The following CAMK2D variants were observed in gnomAD, a reference collection of about 807,000 sequenced individuals.
CAMK2D encodes calcium/calmodulin dependent protein kinase II delta, also known as calcium/calmodulin-dependent protein kinase type II subunit delta.
CAMK2D carries 37 observed loss-of-function variants against 84.0 expected under a neutral mutation model. The observed-to-expected ratio is 0.44, with a 90% CI of 0.34 to 0.58. The LOEUF is 0.58. CAMK2D is among the 20% of genes least tolerant of loss of function. The probability of loss-of-function intolerance (pLI) is 0.02; values close to 1 mark genes in which losing one functional copy is unlikely to be tolerated. For synonymous variants in CAMK2D, 202 were observed against 212.5 expected (o/e 0.95, Z 0.43); for missense variants, 448 against 652.5 (o/e 0.69, Z 3.41).
At chr4:113,459,890 A>G (rs2097352205) in intron 18 of CAMK2D, among the ~76,000 whole-genome samples, 1 of 151,900 alleles carries the variant, frequency 6.6e-6, no homozygotes, top group South Asian at 2.1e-4. Flanking sequence ...CCCCCAAAGC[A>G]CTGGGATTAC....
At chr4:113,752,057 G>C (rs2099618564) in intron 2 of CAMK2D, among the ~76,000 whole-genome samples, 2 of 151,582 alleles carry the variant, frequency 1.3e-5, no homozygotes, top group Non-Finnish European at 2.9e-5. Context: ...AGGGTATGAA[G>C]AAATAAAAAG....
intron 2 of CAMK2D, among the ~76,000 whole-genome samples, chr4:113,669,947 G>A (rs1236507458): frequency 6.6e-6 from 1 of 152,148 alleles, no homozygotes; most frequent in East Asian, 1.9e-4. Context: ...ATCAGACAGA[G>A]TTCACACAGA....
chr4:113,670,693 A>C (rs2099277468), intron 2 of CAMK2D, among the ~76,000 whole-genome samples: 1 of 151,984 alleles, frequency 6.6e-6, no homozygotes, highest in Admixed American at 6.6e-5. Flanking sequence ...AGCTTTGGCT[A>C]TCTAGAGATT....
chr4:113,502,556 T>C (rs2098067389), intron 15 of CAMK2D, among the ~76,000 whole-genome samples: 2 of 151,562 alleles, frequency 1.3e-5, no homozygotes, highest in African/African-American at 4.8e-5. Flanking sequence ...GTTGATATTT[T>C]TGAAGACAAT....
chr4:113,717,150 A>G (rs138331536), intron 2 of CAMK2D, among the ~76,000 whole-genome samples: 1 of 152,324 alleles, frequency 6.6e-6, no homozygotes, highest in African/African-American at 2.4e-5. Flanking sequence ...AACAGCAATT[A>G]TCATCACAAA....
chr4:113,681,343 C>T (rs749109577), intron 2 of CAMK2D, among the ~76,000 whole-genome samples: 1 of 152,056 alleles, frequency 6.6e-6, no homozygotes, highest in Non-Finnish European at 1.5e-5. Context: ...TGAGATCTCA[C>T]AAGATCTGAT....
chr4:113,500,295 T>C (rs2098016949), intron 16 of CAMK2D, among the ~76,000 whole-genome samples, 168 bp downstream of exon 16: 1 of 152,128 alleles, frequency 6.6e-6, no homozygotes, highest in South Asian at 2.1e-4. Flanking sequence ...TAACATATTG[T>C]TGAAATAATT....
chr4:113,670,142 C>T (rs928526850), intron 2 of CAMK2D, among the ~76,000 whole-genome samples: 17 of 151,998 alleles, frequency 1.1e-4, no homozygotes, highest in African/African-American at 4.1e-4. Flanking sequence ...AATAGCTGGG[C>T]ATGGTAGCGT....
chr4:113,739,470 T>C (rs2099588053), intron 2 of CAMK2D, among the ~76,000 whole-genome samples: 1 of 152,046 alleles, frequency 6.6e-6, no homozygotes, highest in African/African-American at 2.4e-5. Flanking sequence ...AAGGGGTGGA[T>C]CCAATATAAG....
intron 2 of CAMK2D, among the ~76,000 whole-genome samples, chr4:113,725,750 A>T (rs2099543960): frequency 6.6e-6 from 1 of 152,158 alleles, no homozygotes. Flanking sequence ...AGAAAAAAAA[A>T]TTTACTGAGT....
At chr4:113,609,568 T>C (rs1419528797) in intron 3 of CAMK2D, among the ~76,000 whole-genome samples, 3 of 152,192 alleles carry the variant, frequency 2.0e-5, no homozygotes. Flanking sequence ...ATACTCAAAG[T>C]TACCAGGTTC....
At chr4:113,539,575 A>G (rs926655335) in intron 6 of CAMK2D, among the ~76,000 whole-genome samples, 4 of 152,228 alleles carry the variant, frequency 2.6e-5, no homozygotes, top group Admixed American at 6.6e-5. Flanking sequence ...AACATCTTAG[A>G]GTTTTATCAT....
At chr4:113,552,896 T>G (rs2098639272) in intron 4 of CAMK2D, among the ~76,000 whole-genome samples, 1 of 152,152 alleles carries the variant, frequency 6.6e-6, no homozygotes, top group Non-Finnish European at 1.5e-5. Context: ...CAGACCCAAA[T>G]CATTACTAAT....
At chr4:113,471,177 G>A (rs891505976) in intron 16 of CAMK2D, among the ~76,000 whole-genome samples, 1 of 152,130 alleles carries the variant, frequency 6.6e-6, no homozygotes, top group Admixed American at 6.5e-5. Context: ...CTCAAAACCT[G>A]GGGTTTCTTC....
intron 3 of CAMK2D, among the ~76,000 whole-genome samples, chr4:113,624,827 A>C (rs2099060950): frequency 6.6e-6 from 1 of 152,246 alleles, no homozygotes; most frequent in Non-Finnish European, 1.5e-5. Context: ...TGGAAAGTCC[A>C]AACTTTAGAC....
intron 2 of CAMK2D, among the ~76,000 whole-genome samples, chr4:113,757,476 T>C (rs772631009): frequency 6.6e-5 from 10 of 152,080 alleles, no homozygotes; most frequent in Non-Finnish European, 1.5e-4. Flanking sequence ...CAAGAGCTTC[T>C]GGTTGCAGCG....
chr4:113,664,761 AGGCAGGATTATTAG>A (rs2099251090), intron 2 of CAMK2D, among the ~76,000 whole-genome samples: 1 of 151,738 alleles, frequency 6.6e-6, no homozygotes, highest in Non-Finnish European at 1.5e-5. Context: ...GAACAACAGG[AGGCAGGATTATTAG>A]GGCATCTTAG....
At chr4:113,751,447 A>C (rs1368427325) in intron 2 of CAMK2D, among the ~76,000 whole-genome samples, 1 of 152,154 alleles carries the variant, frequency 6.6e-6, no homozygotes, top group Non-Finnish European at 1.5e-5. Flanking sequence ...TAAGTTATTC[A>C]TGCTTTATTT....
chr4:113,679,190 A>C (rs1263369652), intron 2 of CAMK2D, among the ~76,000 whole-genome samples: 1 of 152,196 alleles, frequency 6.6e-6, no homozygotes, highest in East Asian at 1.9e-4. Context: ...AAGGTGAAAA[A>C]AAAATAAGGA....
Sources: allele counts gnomAD v4.1 joint callset (sites outside exome capture counted in the v4.1 genomes callset), GRCh38; gene constraint gnomAD v4.1.1; transcripts MANE v1.5; gene names NCBI Gene and HGNC (gene_info 2026-07-23, HGNC 2026-07-21).